Variants in CSMD1 observed in about 807,000 individuals in gnomAD.
CSMD1 encodes the protein CUB and Sushi multiple domains 1.
Under a neutral mutation model 417.5 loss-of-function variants are expected in CSMD1, and 213 were observed. That is an observed-to-expected ratio of 0.51 (90% confidence interval 0.46 to 0.57). The LOEUF (loss-of-function observed/expected upper bound fraction) is 0.57, where lower values mean the gene tolerates loss of function less well. Among genes scored for constraint, CSMD1 ranks in the 20% least tolerant of loss-of-function variants. The pLI, the probability that CSMD1 is intolerant of heterozygous loss-of-function variation, is 0.00. For synonymous variants in CSMD1, 2,862 were observed against 1,736.8 expected (o/e 1.65, Z -16.11); for missense variants, 6,923 against 4,529.7 (o/e 1.53, Z -15.17).
At chr8:3,589,980 A>G (rs1314616543) in intron 8 of CSMD1, among the ~76,000 whole-genome samples, 1 of 152,044 alleles carries the variant, frequency 6.6e-6, no homozygotes, top group Non-Finnish European at 1.5e-5. Flanking sequence ...TATTCTTCAG[A>G]AGACATTAGA....
chr8:3,568,709 G>C (rs1799821405), intron 10 of CSMD1, among the ~76,000 whole-genome samples: 1 of 151,944 alleles, frequency 6.6e-6, no homozygotes, highest in African/African-American at 2.4e-5. Context: ...ATAGGTGTGT[G>C]TGTTTATCTA....
At chr8:3,941,746 C>G (rs1344843647) in intron 5 of CSMD1, among the ~76,000 whole-genome samples, 5 of 152,108 alleles carry the variant, frequency 3.3e-5, no homozygotes, top group Non-Finnish European at 7.4e-5. Flanking sequence ...TAAATCTTGC[C>G]TAAAACAGCA....
At chr8:3,040,529 G>T (rs540265394) in intron 50 of CSMD1, among the ~76,000 whole-genome samples, 1 of 151,628 alleles carries the variant, frequency 6.6e-6, no homozygotes, top group South Asian at 2.1e-4. Flanking sequence ...ATTGGGCCGG[G>T]CACGGTGGCT....
chr8:4,135,710 T>A (rs890007100), intron 3 of CSMD1, among the ~76,000 whole-genome samples: 1 of 152,164 alleles, frequency 6.6e-6, no homozygotes, highest in Non-Finnish European at 1.5e-5. Context: ...ATTATTGTAA[T>A]AATATAATTC....
chr8:4,516,826 G>C (rs79515009), intron 2 of CSMD1, among the ~76,000 whole-genome samples: 16,836 of 152,008 alleles, frequency 0.11, 1,228 homozygotes, highest in Admixed American at 0.21. Flanking sequence ...ATTTATTTTG[G>C]TTATTTTCAG....
intron 26 of CSMD1, among the ~76,000 whole-genome samples, chr8:3,277,563 C>G (rs1256527295): frequency 2.0e-5 from 3 of 152,174 alleles, no homozygotes; most frequent in African/African-American, 7.2e-5. Context: ...CCAAAAGTTT[C>G]ATCCTGACAG....
At chr8:4,512,560 T>G (rs1017550439) in intron 2 of CSMD1, among the ~76,000 whole-genome samples, 2 of 152,124 alleles carry the variant, frequency 1.3e-5, no homozygotes, top group Non-Finnish European at 2.9e-5. Context: ...ATCACCTTCC[T>G]AGAACTAATA....
intron 3 of CSMD1, among the ~76,000 whole-genome samples, chr8:4,310,246 AG>A (rs956425949): frequency 5.2e-4 from 79 of 152,304 alleles, no homozygotes; most frequent in African/African-American, 1.9e-3. Context: ...CTTATCACAC[AG>A]AAAAATATGA....
At chr8:3,582,508 A>T (rs1175130402) in intron 9 of CSMD1, among the ~76,000 whole-genome samples, 1 of 152,116 alleles carries the variant, frequency 6.6e-6, no homozygotes, top group African/African-American at 2.4e-5. Flanking sequence ...TCCTCTTCAC[A>T]ACTACAAGGG....
rs546863764 is a variant in CSMD1, at chr8:4,866,564, C to A, written c.85+127768G>T. Among the ~76,000 whole-genome samples, 5 of 151,832 alleles carry A rather than the reference C, an allele frequency of 3.3e-5. 1 individual carries two copies. Among genetic ancestry groups the A allele is most frequent in the African/African-American group, 1.2e-4 (5 of 41,380 alleles). On this transcript the variant is annotated intron_variant, in intron 1 of 69. Transcript: ENST00000635120. ...TTTTAACAACTAAATAAATAGAAACCCAGAGAAGCTCAGCTCTTTCCCCAA... is the reference window on the plus strand; with the variant it reads ...TTTTAACAACTAAATAAATAGAAACACAGAGAAGCTCAGCTCTTTCCCCAA...
At chr8:4,472,257 C>G (rs1443456825) in intron 2 of CSMD1, among the ~76,000 whole-genome samples, 1 of 152,006 alleles carries the variant, frequency 6.6e-6, no homozygotes, top group Non-Finnish European at 1.5e-5. Flanking sequence ...TTTTGCACAG[C>G]CTCAGATGCA....
At chr8:3,724,117 T>G (rs1313546557) in intron 6 of CSMD1, among the ~76,000 whole-genome samples, 8 of 148,154 alleles carry the variant, frequency 5.4e-5, no homozygotes, top group African/African-American at 1.9e-4. Context: ...AAAGCAGATA[T>G]GAGAAACCAG....
intron 3 of CSMD1, among the ~76,000 whole-genome samples, chr8:4,305,974 T>A (rs568582200): frequency 9.7e-4 from 147 of 152,290 alleles, no homozygotes; most frequent in African/African-American, 3.4e-3. Context: ...TGATACATAG[T>A]GTGCCCAGAC....
chr8:4,239,735 G>C (rs1382845384), intron 3 of CSMD1, among the ~76,000 whole-genome samples: 4 of 152,170 alleles, frequency 2.6e-5, no homozygotes, highest in Admixed American at 2.6e-4. Flanking sequence ...TTGTGGAAAG[G>C]TGGGTGGTGG....
chr8:4,407,682 T>A (rs1335368606), intron 3 of CSMD1, among the ~76,000 whole-genome samples: 2 of 152,196 alleles, frequency 1.3e-5, no homozygotes, highest in African/African-American at 4.8e-5. Flanking sequence ...CATACAAATT[T>A]AAATTTGTTA....
At chr8:3,354,193 T>C (rs142999040) in intron 21 of CSMD1, among the ~76,000 whole-genome samples, 1 of 152,312 alleles carries the variant, frequency 6.6e-6, no homozygotes, top group East Asian at 1.9e-4. Flanking sequence ...TTCAATACAG[T>C]TAAATTGGAT....
At position 4,329,849 on chromosome 8, in the gene CSMD1, T is replaced by TACAC. The variant is rs3067537; in HGVS notation, c.415+90100_415+90103dup. Among the ~76,000 whole-genome samples the TACAC allele has an allele frequency of 3.0e-3, 449 of 150,258 alleles. 1 individual carries two copies. Among genetic ancestry groups the TACAC allele is most frequent in the African/African-American group, 5.0e-3 (203 of 40,924 alleles). The stretch of plus-strand genomic sequence containing the variant: ...AAAAAGTGTGTGGCACCACCCTGCT[T>TACAC]ACACACACACACACACACACACACA... On this transcript the variant is annotated intron_variant, in intron 3 of 69. Transcript: ENST00000635120.
chr8:4,313,321 G>C (rs907799506), intron 3 of CSMD1, among the ~76,000 whole-genome samples: 7 of 151,520 alleles, frequency 4.6e-5, no homozygotes, highest in African/African-American at 9.8e-5. Context: ...TGAGTCCCTA[G>C]AGAGGGAGGA....
At chr8:3,391,523 G>A (rs2116831288) in intron 17 of CSMD1, among the ~76,000 whole-genome samples, 1 of 152,232 alleles carries the variant, frequency 6.6e-6, no homozygotes, top group Non-Finnish European at 1.5e-5. Context: ...CAGACACTGT[G>A]CCACATTCCT....
Sources: gnomAD v4.1 joint callset for allele counts (sites outside exome capture counted in the v4.1 genomes callset) on GRCh38, gnomAD v4.1.1 for gene constraint, MANE v1.5 for transcripts, NCBI Gene and HGNC (gene_info 2026-07-23, HGNC 2026-07-21) for gene names.